The following RBL1 variants were observed in gnomAD, a reference collection of about 807,000 sequenced individuals.
The protein encoded by RBL1 is RB transcriptional corepressor like 1, also known as retinoblastoma-like protein 1.
Under a neutral mutation model 123.0 loss-of-function variants are expected in RBL1, and 82 were observed. The ratio of observed to expected loss-of-function variants is 0.67; its 90% CI spans 0.56 to 0.80. The LOEUF (loss-of-function observed/expected upper bound fraction) is 0.80. RBL1 is among the 30% of genes least tolerant of loss of function. RBL1 has a pLI of 0.00. For missense variants in RBL1, 1,171 were observed against 1,299.6 expected (o/e 0.90, Z 1.52); for synonymous variants, 405 against 441.3 (o/e 0.92, Z 1.03).
At chr20:37,000,010 T>C (rs967469414) in intron 21 of RBL1, among the ~76,000 whole-genome samples, 4 of 140,702 alleles carry the variant, frequency 2.8e-5, no homozygotes, top group Non-Finnish European at 4.6e-5. Context: ...AAGTGAGGAG[T>C]GTCTCTGCCC....
chr20:37,007,596 A>T (rs1298499180), intron 19 of RBL1, 37 bp from the exon 20 acceptor site: 3 of 1,599,226 alleles, frequency 1.9e-6, no homozygotes, highest in South Asian at 1.1e-5. Context: ...TACAAAGCAT[A>T]CTTTTTATTT....
intron 7 of RBL1, among the ~76,000 whole-genome samples, chr20:37,064,113 G>A (rs992766030): frequency 1.3e-5 from 2 of 149,980 alleles, no homozygotes; most frequent in Non-Finnish European, 3.0e-5. Context: ...GTGAGCCACT[G>A]TGCCCGGCCT....
chr20:36,998,503 C>T lies in RBL1; in HGVS notation c.*256G>A, dbSNP rs565994616. On this transcript the variant is annotated 3_prime_UTR_variant, in exon 22 of 22. Transcript: ENST00000373664. ...CCTCCCAAAGTCCTGGGATTACAGG[C>T]GTGAGCCACAGCGCCTGGCCGGACT... The T allele has an allele frequency of 2.2e-4, 72 of 324,472 alleles. No individual in the cohort carries two copies. The highest frequency in any genetic ancestry group is 2.9e-4 in the Non-Finnish European group (51 of 176,244). The allele number at this position is 324,472 out of a possible 1,614,324, so 20.1% of individuals were successfully genotyped here.
chr20:37,082,840 A>G (rs1243725503), intron 2 of RBL1, among the ~76,000 whole-genome samples: 1 of 151,828 alleles, frequency 6.6e-6, no homozygotes, highest in Non-Finnish European at 1.5e-5. Context: ...CTAAAAAAAA[A>G]GAGCTACAAA....
intron 21 of RBL1, among the ~76,000 whole-genome samples, chr20:36,999,666 AT>A (rs1163577456): frequency 7.2e-5 from 11 of 151,858 alleles, no homozygotes; most frequent in Admixed American, 7.2e-4. Flanking sequence ...TGGTTTTCGT[AT>A]TTTTTTGGTG....
At chr20:37,082,029 C>T (rs1953842591) in intron 2 of RBL1, 3 of 456,058 alleles carry the variant, frequency 6.6e-6, no homozygotes, top group Non-Finnish European at 1.3e-5. Flanking sequence ...AGCAGCAGCC[C>T]CTAGAAGACA....
At chr20:37,027,621 GAGAT>G (rs1354840237) in intron 16 of RBL1, among the ~76,000 whole-genome samples, 1 of 152,178 alleles carries the variant, frequency 6.6e-6, no homozygotes, top group African/African-American at 2.4e-5. Flanking sequence ...GTGCTCGTAA[GAGAT>G]AGGACAAATT....
In RBL1 at chr20:37,045,996, T is replaced by C. The variant is rs191260277; in HGVS notation, c.1605+1057A>G. ...ATGTAACATTAAACGTTATTGACTG[T>C]GATGACTAAACGTTATTGAGGGTGA... On this transcript the variant is annotated intron_variant, in intron 12 of 21. Transcript: ENST00000373664. 2.2e-3 allele frequency among the ~76,000 whole-genome samples: 333 copies of C among 152,350 alleles called. 10 individuals carry two copies. The South Asian group carries it at 0.044, about 20-fold the overall frequency.
intron 1 of RBL1, among the ~76,000 whole-genome samples, chr20:37,089,720 C>T (rs2065616245): frequency 6.6e-6 from 1 of 151,912 alleles, no homozygotes; most frequent in South Asian, 2.1e-4. Flanking sequence ...CAGGCATATG[C>T]CACATAACAT....
At chr20:37,006,494 C>T (rs2146202953) in intron 20 of RBL1, among the ~76,000 whole-genome samples, 1 of 151,604 alleles carries the variant, frequency 6.6e-6, no homozygotes, top group African/African-American at 2.4e-5. Flanking sequence ...CACCTGGCCC[C>T]TTTTGTCTTT....
intron 7 of RBL1, among the ~76,000 whole-genome samples, chr20:37,065,154 A>G (rs1024129649): frequency 6.6e-6 from 1 of 151,996 alleles, no homozygotes; most frequent in African/African-American, 2.4e-5. Flanking sequence ...CTGGTCTCCA[A>G]CCTTCTGAGC....
intron 15 of RBL1, among the ~76,000 whole-genome samples, chr20:37,033,614 CTT>C (rs1379232315): frequency 1.3e-4 from 16 of 125,726 alleles, no homozygotes; most frequent in Admixed American, 1.6e-4. Flanking sequence ...TGCAGCTGGA[CTT>C]TTTTTTTTTT....
chr20:37,037,897 G>A (rs927257188), intron 14 of RBL1, among the ~76,000 whole-genome samples: 2 of 151,922 alleles, frequency 1.3e-5, no homozygotes, highest in African/African-American at 4.8e-5. Context: ...GTGTTGCCCG[G>A]GCTGGTCTTG....
intron 18 of RBL1, among the ~76,000 whole-genome samples, chr20:37,018,917 C>T (rs538807116): frequency 1.4e-4 from 22 of 152,294 alleles, no homozygotes; most frequent in African/African-American, 5.3e-4. Flanking sequence ...CACTGCACTC[C>T]AGCCTGGACA....
At chr20:37,038,707 AT>A (rs2064671950) in intron 14 of RBL1, among the ~76,000 whole-genome samples, 1 of 142,476 alleles carries the variant, frequency 7.0e-6, no homozygotes, top group Non-Finnish European at 1.5e-5. Flanking sequence ...GGTTCAAGTG[AT>A]TCTCCTGCCT....
At chr20:37,065,746 T>C (rs933689231) in intron 6 of RBL1, among the ~76,000 whole-genome samples, 6 of 151,834 alleles carry the variant, frequency 4.0e-5, no homozygotes, top group Admixed American at 3.3e-4. Context: ...GCCAAGTAGC[T>C]GGGACTACAG....
At position 36,996,603 on chromosome 20, in the gene RBL1, C is replaced by G. The variant is rs893235898; in HGVS notation, c.*2156G>C. The G allele has an allele frequency of 3.3e-5, 5 of 152,154 alleles. No homozygotes were observed. Among genetic ancestry groups the G allele is most frequent in the Non-Finnish European group, 7.3e-5 (5 of 68,070 alleles). The allele number at this position is 152,154 out of a possible 1,614,324, so 9.4% of individuals were successfully genotyped here. ...GACTACAGGCACATGCCATCACACCCAACTAATTTTTTTATTTTTTGTAGA... is the reference window on the plus strand; with the variant it reads ...GACTACAGGCACATGCCATCACACCGAACTAATTTTTTTATTTTTTGTAGA... On this transcript the variant is annotated 3_prime_UTR_variant, in exon 22 of 22. Transcript: ENST00000373664.
At chr20:37,043,185 C>CA (rs1555856582) in intron 13 of RBL1, among the ~76,000 whole-genome samples, 1 of 151,042 alleles carries the variant, frequency 6.6e-6, no homozygotes, top group African/African-American at 2.4e-5. Flanking sequence ...CACACACACA[C>CA]AATTAGCCGG....
chr20:37,010,431 T>C (rs2064132923), intron 19 of RBL1, among the ~76,000 whole-genome samples: 1 of 152,192 alleles, frequency 6.6e-6, no homozygotes, highest in Non-Finnish European at 1.5e-5. Context: ...GTGTATTGCA[T>C]AATGATGGGT....
Sources: allele counts gnomAD v4.1 joint callset (sites outside exome capture counted in the v4.1 genomes callset), GRCh38; gene constraint gnomAD v4.1.1; transcripts MANE v1.5; gene names NCBI Gene and HGNC (gene_info 2026-07-23, HGNC 2026-07-21).